Variants in DNM2 observed in about 807,000 individuals in gnomAD.
DNM2 encodes the protein dynamin 2.
DNM2 carries 15 observed loss-of-function variants against 99.0 expected under a neutral mutation model. The observed-to-expected ratio is 0.15, with a 90% CI of 0.10 to 0.23. The LOEUF is 0.23. Ranked by LOEUF, DNM2 falls within the 10% of genes least tolerant of loss-of-function variation. The pLI, the probability that DNM2 is intolerant of heterozygous loss-of-function variation, is 1.00. For missense variants in DNM2, 742 were observed against 1,189.4 expected (o/e 0.62, Z 5.53); for synonymous variants, 525 against 481.2 (o/e 1.09, Z -1.19).
At chr19:10,724,580 G>T (rs1049983383) in intron 1 of DNM2, among the ~76,000 whole-genome samples, 1 of 152,192 alleles carries the variant, frequency 6.6e-6, no homozygotes, top group African/African-American at 2.4e-5. Flanking sequence ...CAGTGCAAAG[G>T]TCCTGATGTG....
At position 10,818,257 on chromosome 19, in the gene DNM2, A is replaced by G. The variant is rs1366889993; in HGVS notation, c.1672-1723A>G. 6.8e-6 allele frequency among the ~76,000 whole-genome samples: 1 copy of G among 146,906 alleles called. No individual in the cohort carries two copies. Among genetic ancestry groups the G allele is most frequent in the Non-Finnish European group, 1.5e-5 (1 of 66,276 alleles). On this transcript the variant is annotated intron_variant, in intron 15 of 20. Coordinates refer to ENST00000389253, the MANE Select transcript of DNM2 (RefSeq NM_001005361.3). The surrounding 1 kb of genome is among the most constrained non-coding windows in gnomAD (Gnocchi z 4.3). The stretch of plus-strand genomic sequence containing the variant: ...TCCATGGCCACCGGGCCCCTCTCCT[A>G]TGCTCTGCTCCCTCCATGGCCACCG...
chr19:10,720,168 C>A (rs534409469), intron 1 of DNM2, among the ~76,000 whole-genome samples: 1 of 151,582 alleles, frequency 6.6e-6, no homozygotes, highest in Non-Finnish European at 1.5e-5. Context: ...CTCTCTAAGT[C>A]TTGGTTGACT....
chr19:10,829,152 G>A lies in DNM2; in HGVS notation c.2175G>A (p.Met725Ile). 1 of 1,613,980 alleles carries A rather than the reference G, an allele frequency of 6.2e-7. No individual in the cohort carries two copies. Among genetic ancestry groups the A allele is most frequent in the Non-Finnish European group, 8.5e-7 (1 of 1,180,032 alleles). ...QAQRRDDMLR[M>I]YHALKEALNI... is the part of the protein sequence containing the mutation. ...AGCGGCGGGACGACATGCTGCGCAT[G>A]TACCATGCCCTCAAGGAGGCGCTCA... is the stretch of plus-strand genomic sequence containing the variant. The change falls in exon 19 of 21, where the codon ATG becomes ATA. Residue 725 changes from methionine (M) to isoleucine (I), a missense_variant. Met to Ile is a conservative substitution (Grantham distance 10, BLOSUM62 1). This residue lies in a region of DNM2 where 187 missense variants were observed against 218.8 expected (regional missense o/e 0.85). Coordinates refer to ENST00000389253, the MANE Select transcript of DNM2 (RefSeq NM_001005361.3).
At chr19:10,778,279 C>T (rs191095738) in intron 5 of DNM2, among the ~76,000 whole-genome samples, 28 of 150,028 alleles carry the variant, frequency 1.9e-4, no homozygotes, top group African/African-American at 5.9e-4. Context: ...GTGATCCACC[C>T]GCCTCGGCCT....
intron 1 of DNM2, among the ~76,000 whole-genome samples, chr19:10,738,192 A>G (rs532468687): frequency 1.3e-5 from 2 of 152,182 alleles, no homozygotes; most frequent in East Asian, 3.9e-4. Context: ...TGGGAGGTGG[A>G]GGTTGCAGTG....
intron 1 of DNM2, among the ~76,000 whole-genome samples, chr19:10,754,628 T>C (rs550501407): frequency 1.3e-4 from 20 of 152,018 alleles, no homozygotes; most frequent in African/African-American, 3.4e-4. Flanking sequence ...CTCCCTCTGT[T>C]GCCCAGGCTG....
chr19:10,724,278 C>G (rs534507060), intron 1 of DNM2, among the ~76,000 whole-genome samples: 1 of 152,022 alleles, frequency 6.6e-6, no homozygotes, highest in East Asian at 1.9e-4. Context: ...CCCAGGTTCA[C>G]GCCATTCTCT....
intron 1 of DNM2, among the ~76,000 whole-genome samples, chr19:10,736,225 A>T (rs903764577): frequency 6.7e-6 from 1 of 150,256 alleles, no homozygotes; most frequent in Non-Finnish European, 1.5e-5. Context: ...AGATCGCGCT[A>T]TTGCACTCCA....
At chr19:10,732,580 A>T (rs1017021411) in intron 1 of DNM2, among the ~76,000 whole-genome samples, 1 of 151,914 alleles carries the variant, frequency 6.6e-6, no homozygotes, top group Admixed American at 6.5e-5. Flanking sequence ...CGCCTGGGTG[A>T]TAGAGCGAGA....
chr19:10,802,900 T>C (rs2146065060), intron 12 of DNM2, among the ~76,000 whole-genome samples: 1 of 152,310 alleles, frequency 6.6e-6, no homozygotes, highest in Admixed American at 6.5e-5. Flanking sequence ...GTGTGCGTGG[T>C]CTCAGGCATC....
At chr19:10,828,116 C>T (rs1242769311) in intron 18 of DNM2, among the ~76,000 whole-genome samples, 3 of 151,452 alleles carry the variant, frequency 2.0e-5, no homozygotes, top group African/African-American at 4.9e-5. Flanking sequence ...TGGTGAAACC[C>T]CATCTCTGCT....
chr19:10,773,254 TCTC>T (rs2071040018), intron 3 of DNM2, among the ~76,000 whole-genome samples: 1 of 151,340 alleles, frequency 6.6e-6, no homozygotes, highest in Non-Finnish European at 1.5e-5. Context: ...TTCAAGCTAT[TCTC>T]CTGCCTCAGC....
intron 1 of DNM2, among the ~76,000 whole-genome samples, chr19:10,726,206 G>A (rs544659312): frequency 2.9e-5 from 4 of 138,238 alleles, no homozygotes; most frequent in African/African-American, 5.2e-5. Context: ...GCGACAGAGC[G>A]AGACTCTGCC....
chr19:10,730,569 G>A (rs2069279027), intron 1 of DNM2, among the ~76,000 whole-genome samples: 1 of 152,248 alleles, frequency 6.6e-6, no homozygotes, highest in Non-Finnish European at 1.5e-5. Context: ...CTGGGTCTTG[G>A]TTTTGGAGAC....
chr19:10,767,681 G>A (rs1279285654), intron 2 of DNM2, among the ~76,000 whole-genome samples: 3 of 151,908 alleles, frequency 2.0e-5, no homozygotes, highest in African/African-American at 2.4e-5. Context: ...CGAGGTGGGC[G>A]GATCACCTGA....
intron 13 of DNM2, 102 bp from the exon 14 acceptor site, chr19:10,808,467 C>G (rs1393984910): frequency 4.1e-5 from 55 of 1,344,560 alleles, no homozygotes; most frequent in Non-Finnish European, 5.3e-5. Flanking sequence ...TGTTTTTGTG[C>G]TTTTCCTGCT....
rs749154067 is a variant in DNM2 at position 10,798,502 on chromosome 19, G to T, written c.1352G>T (p.Arg451Leu). ...KCAEKLSSYP[R>L]LREETERIVT... ...TTCCCCCAGCTCAGTTCCTACCCCC[G>T]GTTGCGAGAGGAGACAGAGCGAATC... is the stretch of plus-strand genomic sequence containing the variant. The change falls in exon 11 of 21, where the codon CGG becomes CTG. Residue 451 changes from arginine (R) to leucine (L), a missense_variant. By Grantham distance (102) the Arg-to-Leu change is moderately radical (BLOSUM62 -2). Coordinates refer to ENST00000389253, the MANE Select transcript of DNM2 (RefSeq NM_001005361.3). The T allele has an allele frequency of 8.1e-6, 13 of 1,614,008 alleles. No individual in the cohort carries two copies. Among genetic ancestry groups the T allele is most frequent in the Non-Finnish European group, 1.0e-5 (12 of 1,179,978 alleles).
Position 10,796,924 on chromosome 19 carries a change from C to T in DNM2, c.1197-456C>T, listed in dbSNP as rs1186366905. On this transcript the variant is annotated intron_variant, in intron 9 of 20. Transcript: ENST00000389253. The surrounding 1 kb of genome is among the most constrained non-coding windows in gnomAD (Gnocchi z 5.6). ...TCCCAGTGGGCAGTCTGTGCTTGCG[C>T]GACCACAGTGTCCCCAGCGCTCCGG... Among the ~76,000 whole-genome samples the T allele has an allele frequency of 1.3e-5, 2 of 152,118 alleles. No individual in the cohort carries two copies. The highest frequency in any genetic ancestry group is 4.8e-5 in the African/African-American group (2 of 41,444).
At position 10,759,824 on chromosome 19, in the gene DNM2, G is replaced by T. The variant is rs201274056; in HGVS notation, c.235+13G>T. The T allele has an allele frequency of 6.2e-7, 1 of 1,614,078 alleles. No homozygotes were observed. The highest frequency in any genetic ancestry group is 1.3e-5 in the African/African-American group (1 of 75,026). Reference sequence around the variant, plus strand: ...TTCTCAAAAACAGGTAAAATGGGGCGGCCTGAGGTTCAGCAGGAAGTGGAT... The same window carrying T: ...TTCTCAAAAACAGGTAAAATGGGGCTGCCTGAGGTTCAGCAGGAAGTGGAT... On this transcript the variant is annotated intron_variant, in intron 2 of 20. Coordinates refer to ENST00000389253, the MANE Select transcript of DNM2 (RefSeq NM_001005361.3).
Sources: gnomAD v4.1 joint callset for allele counts (sites outside exome capture counted in the v4.1 genomes callset) on GRCh38, gnomAD v4.1.1 for gene constraint, gnomAD v4.1.1 regional missense constraint, Gnocchi (gnomAD v3.1) non-coding constraint, MANE v1.5 for transcripts, NCBI Gene and HGNC (gene_info 2026-07-23, HGNC 2026-07-21) for gene names.